The following ETV2 variants were observed in gnomAD, a reference collection of about 807,000 sequenced individuals.
ETV2 encodes ETS variant transcription factor 2.
Under a neutral mutation model 35.7 loss-of-function variants are expected in ETV2, and 34 were observed. That is an observed-to-expected ratio of 0.95 (90% CI 0.72 to 1.27). The LOEUF (loss-of-function observed/expected upper bound fraction) is 1.27, where lower values mean the gene tolerates loss of function less well. Among genes scored for constraint, ETV2 ranks in the 50% most tolerant of loss-of-function variants. ETV2 has a pLI of 0.00. For missense variants in ETV2, 512 were observed against 470.5 expected (o/e 1.09, Z -0.82); for synonymous variants, 207 against 203.9 (o/e 1.02, Z -0.13).
In ETV2 at chr19:35,644,192, T is replaced by C. The variant is rs1217809704; in HGVS notation, c.716-43T>C. On this transcript the variant is annotated intron_variant, in intron 5 of 6. Transcript: ENST00000402764. This position sits in a 1 kb window ranked among gnomAD's most constrained non-coding sequence, Gnocchi z 4.7. ...TCTAGATCATTGAAGTGGTGTGATCTAGGGCCGGGAAGACTGAGTGTGCCC... is the reference window on the plus strand; with the variant it reads ...TCTAGATCATTGAAGTGGTGTGATCCAGGGCCGGGAAGACTGAGTGTGCCC... 2 of 1,336,748 alleles carry C rather than the reference T, an allele frequency of 1.5e-6. No individual in the cohort carries two copies. The highest frequency in any genetic ancestry group is 2.5e-5 in the East Asian group (1 of 39,984). The allele number at this position is 1,336,748 out of a possible 1,614,324, so 82.8% of individuals were successfully genotyped here.
Position 35,642,328 on chromosome 19 carries a change from AGGCCTGGACTCCT to A in ETV2, c.-27-102_-27-90del. On this transcript the variant is annotated intron_variant, in intron 1 of 6. Transcript: ENST00000402764. This position sits in a 1 kb window ranked among gnomAD's most constrained non-coding sequence, Gnocchi z 4.4. ...AGGCTCCTGGGGAAGGAGGGAGCGG[AGGCCTGGACTCCT>A]GGCTCTGAGGGAAGCTAGGGCTGGG... The A allele has an allele frequency of 1.7e-6, 1 of 603,562 alleles. No individual in the cohort carries two copies. Among genetic ancestry groups the A allele is most frequent in the East Asian group, 2.9e-5 (1 of 34,002 alleles). 37.4% of individuals were successfully genotyped at this position (603,562 alleles called of 1,614,324 possible).
In ETV2 at chr19:35,642,509, G is replaced by C; in HGVS notation, c.49G>C (p.Gly17Arg). Residue 17 changes from glycine (G) to arginine (R), a missense_variant, in exon 2 of 7, where the codon GGG (glycine) becomes CGG (arginine). By Grantham distance (125) the Gly-to-Arg change is moderately radical (BLOSUM62 -2). Transcript: ENST00000402764. This position sits in a 1 kb window ranked among gnomAD's most constrained non-coding sequence, Gnocchi z 4.4. ...GGCATCCCCACAGGAAGTGCCTCCA[G>C]GGAACAAGCTGGCAGGGCTTGGTAG... ...DEASPQEVPP[G>R]NKLAGLEGAK... 6.2e-7 allele frequency: 1 copy of C among 1,612,902 alleles called. No homozygotes were observed. Among genetic ancestry groups the C allele is most frequent in the East Asian group, 2.2e-5 (1 of 44,886 alleles).
In ETV2 at chr19:35,643,427, A is replaced by C; in HGVS notation, c.389A>C (p.Gln130Pro). ...GCCGGCTCCGAAGGCGCCGCGGGCC[A>C]GAACTGCGTCCCCGTGGCGGGAGAG... ...PAAGSEGAAGQNCVPVAGEAT... is the reference protein window; with the variant it reads ...PAAGSEGAAGPNCVPVAGEAT... The change falls in exon 5 of 7, where the codon CAG becomes CCG. Residue 130 changes from glutamine to proline, a missense_variant. By Grantham distance (76) the Gln-to-Pro change is moderately conservative. Transcript: ENST00000402764. This position sits in a 1 kb window ranked among gnomAD's most constrained non-coding sequence, Gnocchi z 5.0. The C allele has an allele frequency of 6.5e-7, 1 of 1,546,244 alleles. No individual in the cohort carries two copies. The highest frequency in any genetic ancestry group is 1.2e-5 in the South Asian group (1 of 83,752).
In ETV2 at chr19:35,642,419, C is replaced by T; in HGVS notation, c.-27-15C>T. 7.0e-7 allele frequency: 1 copy of T among 1,438,166 alleles called. No homozygotes were observed. The highest frequency in any genetic ancestry group is 9.5e-7 in the Non-Finnish European group (1 of 1,053,274). The allele number at this position is 1,438,166 out of a possible 1,614,324, so 89.1% of individuals were successfully genotyped here. On this transcript the variant is annotated splice_polypyrimidine_tract_variant and intron_variant, in intron 1 of 6. Coordinates refer to ENST00000402764, the MANE Select transcript of ETV2 (RefSeq NM_014209.4). This position sits in a 1 kb window ranked among gnomAD's most constrained non-coding sequence, Gnocchi z 4.4. ...ACCAGCTCACCCATTGCCATCTGGA[C>T]TTTTCCCGACCCAGAACATTCAGAA...
In ETV2 at chr19:35,643,059, G is replaced by A. The variant is rs1221663195; in HGVS notation, c.235+14G>A. On this transcript the variant is annotated intron_variant, in intron 4 of 6. Transcript: ENST00000402764. This position sits in a 1 kb window ranked among gnomAD's most constrained non-coding sequence, Gnocchi z 5.0. Reference sequence around the variant, plus strand: ...CATGGGGGGCGGGTGAGTGTGGGGAGAGGCGGTGGGAGGTGGGGACTGGGG... The same window carrying A: ...CATGGGGGGCGGGTGAGTGTGGGGAAAGGCGGTGGGAGGTGGGGACTGGGG... 1 of 1,505,966 alleles carries A rather than the reference G, an allele frequency of 6.6e-7. No individual in the cohort carries two copies. The highest frequency in any genetic ancestry group is 1.4e-5 in the African/African-American group (1 of 72,000). The allele number at this position is 1,505,966 out of a possible 1,614,324, so 93.3% of individuals were successfully genotyped here. A position where few individuals can be genotyped will look rare whatever the true frequency, so the allele number is the denominator to read the frequency against.
rs1967694297 is a variant in ETV2, at chr19:35,643,877, T to A, written c.715+124T>A. 2.9e-6 allele frequency: 4 copies of A among 1,396,612 alleles called. No homozygotes were observed. The highest frequency in any genetic ancestry group is 3.9e-6 in the Non-Finnish European group (4 of 1,022,232). The allele number at this position is 1,396,612 out of a possible 1,614,324, so 86.5% of individuals were successfully genotyped here. A position where few individuals can be genotyped will look rare whatever the true frequency, so the allele number is the denominator to read the frequency against. ...GGGCGGGGGCTTAGGGACCAGGGGC[T>A]CGAAGGAGGGGCCGGTGGCCCGCAC... On this transcript the variant is annotated intron_variant, in intron 5 of 6. Transcript: ENST00000402764. This position sits in a 1 kb window ranked among gnomAD's most constrained non-coding sequence, Gnocchi z 5.0.
At position 35,643,817 on chromosome 19, in the gene ETV2, C is replaced by T. The variant is rs569835757; in HGVS notation, c.715+64C>T. 135 of 1,600,850 alleles carry T rather than the reference C, an allele frequency of 8.4e-5. No homozygotes were observed. In the African/African-American group the frequency reaches 1.7e-3, roughly 21 times the overall value. ...GAGTCCTGAGCCGGGACCCAGGCAC[C>T]TAAGGGGGCGGGGCCCGGGAGACTG... On this transcript the variant is annotated intron_variant, in intron 5 of 6. Transcript: ENST00000402764. The surrounding 1 kb of genome is among the most constrained non-coding windows in gnomAD (Gnocchi z 5.0).
rs1353630350 is a variant in ETV2, at chr19:35,644,651, G to C, written c.829-1G>C. ...TCCGACCGAGCGGGCCTCTGTCCTA[G>C]GTGGCTCGGCTGTGGGGCGAGCGCA... is the stretch of plus-strand genomic sequence containing the variant. On this transcript the variant is annotated splice_acceptor_variant, in intron 6 of 6. Coordinates refer to ENST00000402764, the MANE Select transcript of ETV2 (RefSeq NM_014209.4). LOFTEE classifies it high-confidence loss of function. This position sits in a 1 kb window ranked among gnomAD's most constrained non-coding sequence, Gnocchi z 4.7. The C allele has an allele frequency of 8.1e-6, 13 of 1,606,394 alleles. No homozygotes were observed. The highest frequency in any genetic ancestry group is 1.1e-5 in the Non-Finnish European group (13 of 1,175,920).
rs1374466532 is a variant in ETV2, at chr19:35,642,577, T to TG, written c.71-34dup. The TG allele has an allele frequency of 3.1e-6, 5 of 1,612,918 alleles. No homozygotes were observed. The Admixed American group carries it at 8.4e-5, about 27-fold the overall frequency. ...AACGTGTGTGGGGAGGGTGTCCAGG[T>TG]GGGGCCTCTGCTGACCCTAACCCCT... On this transcript the variant is annotated intron_variant, in intron 2 of 6. Coordinates refer to ENST00000402764, the MANE Select transcript of ETV2 (RefSeq NM_014209.4). The surrounding 1 kb of genome is among the most constrained non-coding windows in gnomAD (Gnocchi z 4.4).
Position 35,642,538 on chromosome 19 carries a change from G to A in ETV2, c.70+8G>A, listed in dbSNP as rs369643154. 6.0e-5 allele frequency: 97 copies of A among 1,612,424 alleles called. No homozygotes were observed. Among genetic ancestry groups the A allele is most frequent in the Non-Finnish European group, 7.7e-5 (91 of 1,179,616 alleles). On this transcript the variant is annotated splice_region_variant and intron_variant, in intron 2 of 6. Coordinates refer to ENST00000402764, the MANE Select transcript of ETV2 (RefSeq NM_014209.4). The surrounding 1 kb of genome is among the most constrained non-coding windows in gnomAD (Gnocchi z 4.4). Reference sequence around the variant, plus strand: ...ACAAGCTGGCAGGGCTTGGTAGGCTGCCGAGGCTGCCACAACGTGTGTGGG... The same window carrying A: ...ACAAGCTGGCAGGGCTTGGTAGGCTACCGAGGCTGCCACAACGTGTGTGGG...
At position 35,644,104 on chromosome 19, in the gene ETV2, T is replaced by C; in HGVS notation, c.716-131T>C. The C allele has an allele frequency of 1.4e-6, 1 of 718,862 alleles. No homozygotes were observed. Among genetic ancestry groups the C allele is most frequent in the Non-Finnish European group, 2.5e-6 (1 of 406,052 alleles). 44.5% of individuals were successfully genotyped at this position (718,862 alleles called of 1,614,324 possible). A position where few individuals can be genotyped will look rare whatever the true frequency, so the allele number is the denominator to read the frequency against. On this transcript the variant is annotated intron_variant, in intron 5 of 6. Coordinates refer to ENST00000402764, the MANE Select transcript of ETV2 (RefSeq NM_014209.4). This position sits in a 1 kb window ranked among gnomAD's most constrained non-coding sequence, Gnocchi z 4.7. ...AGTCTCCAAGGCTGACTGTTGGATC[T>C]CAGAGAAGGGGGGGCGGATCCCCTT...
rs1326113717 is a variant in ETV2 at position 35,643,808 on chromosome 19, C to T, written c.715+55C>T. On this transcript the variant is annotated intron_variant, in intron 5 of 6. Coordinates refer to ENST00000402764, the MANE Select transcript of ETV2 (RefSeq NM_014209.4). The surrounding 1 kb of genome is among the most constrained non-coding windows in gnomAD (Gnocchi z 5.0). ...GCGAAGCTGGAGTCCTGAGCCGGGA[C>T]CCAGGCACCTAAGGGGGCGGGGCCC... The T allele has an allele frequency of 6.2e-7, 1 of 1,607,472 alleles. No individual in the cohort carries two copies. Among genetic ancestry groups the T allele is most frequent in the Non-Finnish European group, 8.5e-7 (1 of 1,178,394 alleles).
Position 35,642,885 on chromosome 19 carries a change from C to T in ETV2, c.155-80C>T. 9.7e-7 allele frequency: 1 copy of T among 1,033,604 alleles called. No individual in the cohort carries two copies. The highest frequency in any genetic ancestry group is 1.5e-6 in the Non-Finnish European group (1 of 678,088). The allele number at this position is 1,033,604 out of a possible 1,614,324, so 64.0% of individuals were successfully genotyped here. ...AAATACGGGCTGGGGGGCCATAACT[C>T]CCAGTCCCTGACAAGTAGAGACTAG... On this transcript the variant is annotated intron_variant, in intron 3 of 6. Transcript: ENST00000402764. The surrounding 1 kb of genome is among the most constrained non-coding windows in gnomAD (Gnocchi z 4.4).
chr19:35,643,333 T>C lies in ETV2; in HGVS notation c.295T>C (p.Trp99Arg), dbSNP rs1231127764. The change falls in exon 5 of 7, where the codon TGG (tryptophan) becomes CGG (arginine). Residue 99 changes from tryptophan to arginine, a missense_variant. Transcript: ENST00000402764. This position sits in a 1 kb window ranked among gnomAD's most constrained non-coding sequence, Gnocchi z 5.0. ...GDWTDMACTAWDSWSGASQTL... is the reference protein window; with the variant it reads ...GDWTDMACTARDSWSGASQTL... ...CTGGACAGACATGGCGTGCACAGCCTGGGACTCTTGGAGCGGCGCCTCGCA... is the reference window on the plus strand; with the variant it reads ...CTGGACAGACATGGCGTGCACAGCCCGGGACTCTTGGAGCGGCGCCTCGCA... The C allele has an allele frequency of 6.3e-7, 1 of 1,598,858 alleles. No homozygotes were observed. Among genetic ancestry groups the C allele is most frequent in the Non-Finnish European group, 8.5e-7 (1 of 1,174,400 alleles).
chr19:35,644,193 A>C lies in ETV2; in HGVS notation c.716-42A>C. 2 of 1,342,266 alleles carry C rather than the reference A, an allele frequency of 1.5e-6. No individual in the cohort carries two copies. Among genetic ancestry groups the C allele is most frequent in the Non-Finnish European group, 2.1e-6 (2 of 956,918 alleles). 83.1% of individuals were successfully genotyped at this position (1,342,266 alleles called of 1,614,324 possible). A position where few individuals can be genotyped will look rare whatever the true frequency, so the allele number is the denominator to read the frequency against. Reference sequence around the variant, plus strand: ...CTAGATCATTGAAGTGGTGTGATCTAGGGCCGGGAAGACTGAGTGTGCCCC... The same window carrying C: ...CTAGATCATTGAAGTGGTGTGATCTCGGGCCGGGAAGACTGAGTGTGCCCC... On this transcript the variant is annotated intron_variant, in intron 5 of 6. Coordinates refer to ENST00000402764, the MANE Select transcript of ETV2 (RefSeq NM_014209.4). This position sits in a 1 kb window ranked among gnomAD's most constrained non-coding sequence, Gnocchi z 4.7.
rs1246089356 is a variant in ETV2, at chr19:35,642,483, A to G, written c.23A>G (p.Glu8Gly). MDLWNWDEASPQEVPPGN... is the reference protein window; with the variant it reads MDLWNWDGASPQEVPPGN... ...TCCATGGACCTGTGGAACTGGGATG[A>G]GGCATCCCCACAGGAAGTGCCTCCA... is the stretch of plus-strand genomic sequence containing the variant. The change falls in exon 2 of 7, where the codon GAG (glutamate) becomes GGG (glycine). Residue 8 changes from glutamate (E) to glycine (G), a missense_variant. Glu to Gly is a moderately conservative substitution (Grantham distance 98, BLOSUM62 -2). Coordinates refer to ENST00000402764, the MANE Select transcript of ETV2 (RefSeq NM_014209.4). The surrounding 1 kb of genome is among the most constrained non-coding windows in gnomAD (Gnocchi z 4.4). The G allele has an allele frequency of 1.9e-6, 3 of 1,606,828 alleles. No individual in the cohort carries two copies. The Admixed American group carries it at 5.1e-5, about 27-fold the overall frequency.
At position 35,643,123 on chromosome 19, in the gene ETV2, C is replaced by T; in HGVS notation, c.235+78C>T. On this transcript the variant is annotated intron_variant, in intron 4 of 6. Coordinates refer to ENST00000402764, the MANE Select transcript of ETV2 (RefSeq NM_014209.4). The surrounding 1 kb of genome is among the most constrained non-coding windows in gnomAD (Gnocchi z 5.0). ...GGGCTAGAGGTGTAGACTCCCTGAT[C>T]TTTGAGGACTGAGAACACCTGCGCC... The T allele has an allele frequency of 7.3e-7, 1 of 1,378,530 alleles. No homozygotes were observed. Among genetic ancestry groups the T allele is most frequent in the Non-Finnish European group, 9.9e-7 (1 of 1,005,552 alleles). The allele number at this position is 1,378,530 out of a possible 1,614,324, so 85.4% of individuals were successfully genotyped here.
Position 35,644,511 on chromosome 19 carries a change from C to A in ETV2, c.829-141C>A. Reference sequence around the variant, plus strand: ...CAAACCCAATCTCCCGCCTGTACTCCTGCCTCAACCAACCCAGTCTCCACC... The same window carrying A: ...CAAACCCAATCTCCCGCCTGTACTCATGCCTCAACCAACCCAGTCTCCACC... On this transcript the variant is annotated intron_variant, in intron 6 of 6. Transcript: ENST00000402764. This position sits in a 1 kb window ranked among gnomAD's most constrained non-coding sequence, Gnocchi z 4.7. The A allele has an allele frequency of 1.1e-6, 1 of 949,558 alleles. No individual in the cohort carries two copies. The highest frequency in any genetic ancestry group is 1.6e-6 in the Non-Finnish European group (1 of 636,134). The allele number at this position is 949,558 out of a possible 1,614,324, so 58.8% of individuals were successfully genotyped here.
Position 35,643,785 on chromosome 19 carries a change from G to A in ETV2, c.715+32G>A. ...GGGCCGCAAAGACTGCGGGGAGGGC[G>A]AAGCTGGAGTCCTGAGCCGGGACCC... On this transcript the variant is annotated intron_variant, in intron 5 of 6. Transcript: ENST00000402764. The surrounding 1 kb of genome is among the most constrained non-coding windows in gnomAD (Gnocchi z 5.0). 6.2e-7 allele frequency: 1 copy of A among 1,612,310 alleles called. No homozygotes were observed. Among genetic ancestry groups the A allele is most frequent in the Non-Finnish European group, 8.5e-7 (1 of 1,179,606 alleles).
Sources: allele counts gnomAD v4.1 joint callset, GRCh38; gene constraint gnomAD v4.1.1; non-coding constraint Gnocchi (gnomAD v3.1); transcripts MANE v1.5; gene names NCBI Gene and HGNC (gene_info 2026-07-23, HGNC 2026-07-21).